The following AKAP1 variants were observed in gnomAD, a reference collection of about 807,000 sequenced individuals.
AKAP1 encodes the protein A-kinase anchor protein 1, mitochondrial.
A neutral mutation model predicts 79.8 loss-of-function variants in AKAP1; 32 were observed. The ratio of observed to expected loss-of-function variants is 0.40; its 90% confidence interval spans 0.30 to 0.54. The LOEUF is 0.54. AKAP1 is among the 20% of genes least tolerant of loss of function. The pLI is 0.47. For synonymous variants in AKAP1, 416 were observed against 466.7 expected (o/e 0.89, Z 1.40); for missense variants, 961 against 1,138.9 (o/e 0.84, Z 2.25).
chr17:57,086,551 C>T lies in AKAP1; in HGVS notation c.-25+1153C>T, dbSNP rs1913473401. ...ACTTCGCTCCAGGTGCGAGTCGAGG[C>T]CTCTCAAGCTGGGTAGGGTGTATGC... On this transcript the variant is annotated intron_variant, in intron 1 of 10. Coordinates refer to ENST00000337714, the MANE Select transcript of AKAP1 (RefSeq NM_003488.4). This position sits in a 1 kb window ranked among gnomAD's most constrained non-coding sequence, Gnocchi z 5.1. 2 of 427,882 alleles carry T rather than the reference C, an allele frequency of 4.7e-6. No individual in the cohort carries two copies. The highest frequency in any genetic ancestry group is 9.3e-6 in the Non-Finnish European group (2 of 214,770). The allele number at this position is 427,882 out of a possible 1,614,324, so 26.5% of individuals were successfully genotyped here. A position where few individuals can be genotyped will look rare whatever the true frequency, so the allele number is the denominator to read the frequency against.
chr17:57,105,002 G>C (rs1347861955), intron 1 of AKAP1, among the ~76,000 whole-genome samples: 1 of 152,214 alleles, frequency 6.6e-6, no homozygotes, highest in African/African-American at 2.4e-5. Flanking sequence ...AGATGTGAGG[G>C]AACCATGCAC....
intron 2 of AKAP1, among the ~76,000 whole-genome samples, chr17:57,109,011 AG>A (rs1291556853): frequency 6.6e-6 from 1 of 152,216 alleles, no homozygotes; most frequent in East Asian, 1.9e-4. Flanking sequence ...CCTAGTGTTA[AG>A]GGGGGAAGTC....
intron 1 of AKAP1, chr17:57,094,384 T>A (rs182725941): frequency 6.6e-6 from 1 of 152,348 alleles, no homozygotes; most frequent in Non-Finnish European, 1.5e-5. Context: ...GTGTGCGTGG[T>A]TTGTGGCCCA....
intron 2 of AKAP1, among the ~76,000 whole-genome samples, chr17:57,109,173 A>C (rs1915084107): frequency 6.6e-6 from 1 of 152,170 alleles, no homozygotes; most frequent in Admixed American, 6.5e-5. Context: ...CTCAGGAGTG[A>C]TCTATTTCTG....
intron 2 of AKAP1, among the ~76,000 whole-genome samples, chr17:57,109,298 C>G (rs1029552617): frequency 6.6e-6 from 1 of 152,170 alleles, no homozygotes; most frequent in African/African-American, 2.4e-5. Context: ...CAGCCCAGGT[C>G]GGGAGCAGAG....
chr17:57,100,428 A>AACACACACACACACACACAC (rs71363890), intron 1 of AKAP1, among the ~76,000 whole-genome samples: 159 of 149,804 alleles, frequency 1.1e-3, no homozygotes, highest in African/African-American at 3.5e-3. Flanking sequence ...TCTCTGCTAA[A>AACACACACACACACACACAC]ACACACACAC....
chr17:57,085,271 C>T lies in AKAP1; in HGVS notation c.-152C>T. 1 of 150,936 alleles carries T rather than the reference C, an allele frequency of 6.6e-6. No homozygotes were observed. Among genetic ancestry groups the T allele is most frequent in the East Asian group, 1.9e-4 (1 of 5,158 alleles). 9.3% of individuals were successfully genotyped at this position (150,936 alleles called of 1,614,324 possible). On this transcript the variant is annotated 5_prime_UTR_variant, in exon 1 of 11. Transcript: ENST00000337714. ...AGTATTTAATGTCTCTGTGTTCCAC[C>T]CGCCTGGGCTAGCACGTGGGGGAGC...
At chr17:57,111,461 G>A (rs895542986) in intron 3 of AKAP1, among the ~76,000 whole-genome samples, 28 of 152,174 alleles carry the variant, frequency 1.8e-4, no homozygotes, top group African/African-American at 5.8e-4. Flanking sequence ...GCAGCTTTCC[G>A]GGTCTGGGCC....
rs143112455 is a variant in AKAP1, at chr17:57,117,452, A to G, written c.2500+525A>G. 1.7e-4 allele frequency among the ~76,000 whole-genome samples: 26 copies of G among 152,220 alleles called. No homozygotes were observed. In the East Asian group the frequency reaches 5.0e-3, roughly 29 times the overall value. On this transcript the variant is annotated intron_variant, in intron 8 of 10. Transcript: ENST00000337714. ...CTGGCTGTGAGAATTACATAAACCT[A>G]AGATCTGGTGTGTAGAGGGTGGCGA...
At chr17:57,088,062 T>A (rs1258960298) in intron 1 of AKAP1, among the ~76,000 whole-genome samples, 1 of 152,218 alleles carries the variant, frequency 6.6e-6, no homozygotes, top group Non-Finnish European at 1.5e-5. Context: ...TAGTAGATCC[T>A]GTGGGCATCT....
At chr17:57,098,760 A>ATTT (rs1170190519) in intron 1 of AKAP1, among the ~76,000 whole-genome samples, 5 of 122,876 alleles carry the variant, frequency 4.1e-5, no homozygotes, top group Non-Finnish European at 6.7e-5. Context: ...GGGCTAGCTG[A>ATTT]TTTTTTTTTT....
At chr17:57,102,345 G>A (rs1005876528) in intron 1 of AKAP1, among the ~76,000 whole-genome samples, 1 of 152,112 alleles carries the variant, frequency 6.6e-6, no homozygotes, top group African/African-American at 2.4e-5. Context: ...AAGGCTCTCC[G>A]GAAAGGTAGT....
chr17:57,108,341 A>T (rs1296613056), intron 2 of AKAP1, among the ~76,000 whole-genome samples: 1 of 152,246 alleles, frequency 6.6e-6, no homozygotes, highest in Non-Finnish European at 1.5e-5. Context: ...TATAGAAGGC[A>T]AGATACTATA....
intron 1 of AKAP1, among the ~76,000 whole-genome samples, chr17:57,103,729 A>G (rs1370633471): frequency 6.6e-6 from 1 of 152,244 alleles, no homozygotes; most frequent in Non-Finnish European, 1.5e-5. Flanking sequence ...GTTTGCTGGC[A>G]TAGGAAGCAT....
rs1279701615 is a variant in AKAP1 at position 57,086,634 on chromosome 17, T to C, written c.-25+1236T>C. ...TTTCCCCTACTGTAGTGCGCGTTAC[T>C]TCGTGTTTAGATTTGTCTCCAGTGA... is the stretch of plus-strand genomic sequence containing the variant. On this transcript the variant is annotated intron_variant, in intron 1 of 10. Coordinates refer to ENST00000337714, the MANE Select transcript of AKAP1 (RefSeq NM_003488.4). This position sits in a 1 kb window ranked among gnomAD's most constrained non-coding sequence, Gnocchi z 5.1. The C allele has an allele frequency of 3.0e-6, 1 of 329,570 alleles. No homozygotes were observed. Among genetic ancestry groups the C allele is most frequent in the African/African-American group, 2.2e-5 (1 of 44,682 alleles). 20.4% of individuals were successfully genotyped at this position (329,570 alleles called of 1,614,324 possible).
In AKAP1 at chr17:57,105,621, G is replaced by C. The variant is rs748672089; in HGVS notation, c.157G>C (p.Ala53Pro). Residue 53 changes from alanine (A) to proline (P), a missense_variant, in exon 2 of 11, where the codon GCC (alanine) becomes CCC (proline). By Grantham distance (27) the Ala-to-Pro change is conservative (BLOSUM62 -1). Around this residue, in one of 3 missense-constraint regions of AKAP1, gnomAD observed 108 missense variants for 147.6 expected, o/e 0.73. Coordinates refer to ENST00000337714, the MANE Select transcript of AKAP1 (RefSeq NM_003488.4). Reference protein sequence around the residue: ...AGAVQLRADPAIKEPLPVEDV... With the variant: ...AGAVQLRADPPIKEPLPVEDV... Reference sequence around the variant, plus strand: ...TGCTGTGCAGCTGAGGGCTGACCCTGCCATCAAGGAACCTCTCCCCGTGGA... The same window carrying C: ...TGCTGTGCAGCTGAGGGCTGACCCTCCCATCAAGGAACCTCTCCCCGTGGA... 6.2e-7 allele frequency: 1 copy of C among 1,613,998 alleles called. No individual in the cohort carries two copies. The highest frequency in any genetic ancestry group is 8.5e-7 in the Non-Finnish European group (1 of 1,180,022).
chr17:57,118,494 G>A, intron 9 of AKAP1, 40 bp downstream of exon 9: 1 of 1,606,326 alleles, frequency 6.2e-7, no homozygotes, highest in Non-Finnish European at 8.5e-7. Context: ...GGCTGGCTGG[G>A]TTCTTGGGAA....
At chr17:57,118,887 C>G in intron 9 of AKAP1, 95 bp from the exon 10 acceptor site, 2 of 1,393,690 alleles carry the variant, frequency 1.4e-6, no homozygotes, top group South Asian at 1.2e-5. Context: ...GTCTCTCCCT[C>G]GACACATGGG....
chr17:57,099,653 G>A (rs537022763), intron 1 of AKAP1, among the ~76,000 whole-genome samples: 1 of 152,282 alleles, frequency 6.6e-6, no homozygotes, highest in East Asian at 1.9e-4. Flanking sequence ...GGTGGTCTGA[G>A]GGCTTAGAGC....
Sources: gnomAD v4.1 joint callset for allele counts (sites outside exome capture counted in the v4.1 genomes callset) on GRCh38, gnomAD v4.1.1 for gene constraint, gnomAD v4.1.1 regional missense constraint, Gnocchi (gnomAD v3.1) non-coding constraint, MANE v1.5 for transcripts, NCBI Gene and HGNC (gene_info 2026-07-23, HGNC 2026-07-21) for gene names.